Variants in TNS3 observed in about 807,000 individuals in gnomAD.
TNS3 encodes tensin 3.
A neutral mutation model predicts 140.9 loss-of-function variants in TNS3; 45 were observed. The observed-to-expected ratio is 0.32, with a 90% CI of 0.25 to 0.41. The LOEUF (loss-of-function observed/expected upper bound fraction) is 0.41. Ranked by LOEUF, TNS3 falls within the 10% of genes least tolerant of loss-of-function variation. The pLI is 1.00. For synonymous variants in TNS3, 815 were observed against 788.4 expected (o/e 1.03, Z -0.56); for missense variants, 1,716 against 1,906.7 (o/e 0.90, Z 1.86).
chr7:47,275,880 G>A lies in TNS3; in HGVS notation c.*2196C>T, dbSNP rs1403182301. On this transcript the variant is annotated 3_prime_UTR_variant, in exon 31 of 31. Transcript: ENST00000311160. Reference sequence around the variant, plus strand: ...TGAGGGCCATCGCGGGCACCCCGATGTCTCTGTGATTCCCTGGCAGGCTGC... The same window carrying A: ...TGAGGGCCATCGCGGGCACCCCGATATCTCTGTGATTCCCTGGCAGGCTGC... 4.4e-6 allele frequency: 2 copies of A among 456,018 alleles called. No homozygotes were observed. The highest frequency in any genetic ancestry group is 7.0e-5 in the East Asian group (1 of 14,386). 28.2% of individuals were successfully genotyped at this position (456,018 alleles called of 1,614,324 possible).
intron 1 of TNS3, among the ~76,000 whole-genome samples, chr7:47,537,422 C>G (rs1799641172): frequency 6.6e-6 from 1 of 152,112 alleles, no homozygotes; most frequent in South Asian, 2.1e-4. Context: ...CCGCCCGCCC[C>G]AACCGCAGCT....
At chr7:47,353,673 AC>A (rs1253424452) in intron 17 of TNS3, among the ~76,000 whole-genome samples, 6 of 152,092 alleles carry the variant, frequency 3.9e-5, no homozygotes, top group Admixed American at 1.3e-4. Flanking sequence ...TACACACTTC[AC>A]ATCAATGTGA....
At chr7:47,529,283 C>T (rs766194648) in intron 1 of TNS3, 136 bp from the exon 2 acceptor site, 10 of 444,868 alleles carry the variant, frequency 2.2e-5, no homozygotes, top group South Asian at 6.6e-5. Context: ...AAACAGAGAA[C>T]AAGAAACCAT....
chr7:47,544,547 AG>A (rs1799871465), intron 1 of TNS3, among the ~76,000 whole-genome samples: 1 of 152,136 alleles, frequency 6.6e-6, no homozygotes, highest in Non-Finnish European at 1.5e-5. Flanking sequence ...GGACACAGAT[AG>A]AAGGTGCCTT....
At chr7:47,506,497 C>A (rs1798421569) in intron 3 of TNS3, among the ~76,000 whole-genome samples, 1 of 151,844 alleles carries the variant, frequency 6.6e-6, no homozygotes, top group Non-Finnish European at 1.5e-5. Context: ...AACCCCAATC[C>A]GTCTATGCAC....
chr7:47,499,527 T>C lies in TNS3; in HGVS notation c.-115+7380A>G, dbSNP rs143574732. Among the ~76,000 whole-genome samples, 58 of 152,284 alleles carry C rather than the reference T, an allele frequency of 3.8e-4. 1 individual carries two copies. The East Asian group carries it at 8.3e-3, about 22-fold the overall frequency. ...TGTGGCACATCCAGATGACAGAGTG[T>C]TATTCAGCTGAAAAGAAATGAGCTA... On this transcript the variant is annotated intron_variant, in intron 3 of 30. Coordinates refer to ENST00000311160, the MANE Select transcript of TNS3 (RefSeq NM_022748.12).
chr7:47,518,321 C>T (rs964525192), intron 2 of TNS3, among the ~76,000 whole-genome samples: 3 of 152,138 alleles, frequency 2.0e-5, no homozygotes, highest in South Asian at 2.1e-4. Flanking sequence ...AAGGTCCCTC[C>T]GCCGATGTCA....
intron 12 of TNS3, among the ~76,000 whole-genome samples, chr7:47,413,094 C>T (rs1254549667): frequency 6.6e-6 from 1 of 151,850 alleles, no homozygotes; most frequent in Non-Finnish European, 1.5e-5. Flanking sequence ...GCTGGGACTA[C>T]AGGCACACGC....
rs1185455047 is a variant in TNS3, at chr7:47,303,105, T to C, written c.3302A>G (p.Lys1101Arg). 2 of 1,614,094 alleles carry C rather than the reference T, an allele frequency of 1.2e-6. No individual in the cohort carries two copies. Among genetic ancestry groups the C allele is most frequent in the Non-Finnish European group, 1.7e-6 (2 of 1,179,968 alleles). The change falls in exon 22 of 31, where the codon AAG becomes AGG. Residue 1101 changes from lysine to arginine, a missense_variant. Lys to Arg is a conservative substitution (Grantham distance 26). Around this residue, in one of 3 missense-constraint regions of TNS3, gnomAD observed 1,163 missense variants for 1,182.1 expected, o/e 0.98. Transcript: ENST00000311160. The stretch of plus-strand genomic sequence containing the variant: ...ACGATCCCCCTCCGAGGCCCGCTTC[T>C]TCTCAGGGAGGGGTGGCTGCCCGGG... ...TLPGQPPLPE[K>R]KRASEGDRSL...
intron 6 of TNS3, among the ~76,000 whole-genome samples, chr7:47,437,841 G>A (rs1011246256): frequency 5.5e-5 from 8 of 145,378 alleles, no homozygotes; most frequent in Non-Finnish European, 9.0e-5. Flanking sequence ...TAAATATCAC[G>A]GTCTTGCTCC....
chr7:47,281,403 G>A (rs890019465), intron 28 of TNS3, among the ~76,000 whole-genome samples: 1 of 152,212 alleles, frequency 6.6e-6, no homozygotes, highest in African/African-American at 2.4e-5. Flanking sequence ...AGTCTAGCTG[G>A]CTTTGGGGTC....
chr7:47,342,191 T>G (rs1457459896), intron 20 of TNS3, among the ~76,000 whole-genome samples: 1 of 152,214 alleles, frequency 6.6e-6, no homozygotes, highest in African/African-American at 2.4e-5. Flanking sequence ...GGCCTATTTC[T>G]CCCCATCTTT....
intron 4 of TNS3, among the ~76,000 whole-genome samples, chr7:47,460,702 T>C (rs1355452948): frequency 1.3e-5 from 2 of 152,186 alleles, no homozygotes; most frequent in Non-Finnish European, 2.9e-5. Context: ...CGTTGCCTCC[T>C]CCTCCTGAAT....
At chr7:47,366,173 TTTTAG>T (rs1176587665) in intron 17 of TNS3, among the ~76,000 whole-genome samples, 1 of 152,224 alleles carries the variant, frequency 6.6e-6, no homozygotes, top group East Asian at 1.9e-4. Context: ...ATTAGAGCCT[TTTTAG>T]TAAACTCAGA....
chr7:47,549,414 G>A (rs1800002999), intron 1 of TNS3, among the ~76,000 whole-genome samples: 2 of 152,088 alleles, frequency 1.3e-5, no homozygotes, highest in South Asian at 4.1e-4. Context: ...AGAATCACTT[G>A]AACCCAGGAG....
Position 47,347,442 on chromosome 7 carries a change from G to A in TNS3, c.2282-1086C>T, listed in dbSNP as rs188831451. ...ATAAAGAGAAGGTTCCACAGAGAGC[G>A]ACAAGACATCAACCCACCATGCCTG... On this transcript the variant is annotated intron_variant, in intron 17 of 30. Transcript: ENST00000311160. Among the ~76,000 whole-genome samples, 5 of 152,254 alleles carry A rather than the reference G, an allele frequency of 3.3e-5. No individual in the cohort carries two copies. In the East Asian group the frequency reaches 5.8e-4, roughly 18 times the overall value.
At chr7:47,296,699 T>C (rs1198232226) in intron 24 of TNS3, among the ~76,000 whole-genome samples, 2 of 152,130 alleles carry the variant, frequency 1.3e-5, no homozygotes, top group Non-Finnish European at 2.9e-5. Context: ...AAAAATGTGT[T>C]TGCCTGCATT....
chr7:47,372,479 T>C (rs1048465413), intron 16 of TNS3, among the ~76,000 whole-genome samples: 8 of 152,208 alleles, frequency 5.3e-5, no homozygotes, highest in Non-Finnish European at 7.3e-5. Flanking sequence ...CCCTGCCCCG[T>C]ATGCTAAGAA....
At chr7:47,306,336 G>GT (rs1255203620) in intron 20 of TNS3, among the ~76,000 whole-genome samples, 3 of 152,146 alleles carry the variant, frequency 2.0e-5, no homozygotes, top group South Asian at 2.1e-4. Flanking sequence ...TAATATCCTG[G>GT]TTTTTTAAAA....
Sources: allele counts gnomAD v4.1 joint callset (sites outside exome capture counted in the v4.1 genomes callset), GRCh38; gene constraint gnomAD v4.1.1; regional missense constraint gnomAD v4.1.1; transcripts MANE v1.5; gene names NCBI Gene and HGNC (gene_info 2026-07-23, HGNC 2026-07-21).